POLR2I: variants seen among roughly 807,000 people sequenced by gnomAD.
POLR2I encodes DNA-directed RNA polymerase II subunit RPB9.
A neutral mutation model predicts 23.0 loss-of-function variants in POLR2I; 15 were observed. The ratio of observed to expected loss-of-function variants is 0.65; its 90% CI spans 0.44 to 1.00. The LOEUF is 1.00. Among genes scored for constraint, POLR2I ranks in the 50% least tolerant of loss-of-function variants. The pLI is 0.00. For synonymous variants in POLR2I, 72 were observed against 65.4 expected, an observed-to-expected ratio of 1.10 and a Z score of -0.49; for missense variants, 120 against 173.7, an observed-to-expected ratio of 0.69 and a Z score of 1.74.
rs781300531 is a variant in POLR2I at position 36,114,872 on chromosome 19, G to A, written c.-16C>T. 8.7e-6 allele frequency: 14 copies of A among 1,612,490 alleles called. No homozygotes were observed. In the African/African-American group the frequency reaches 1.1e-4, roughly 12 times the overall value. On this transcript the variant is annotated 5_prime_UTR_variant, in exon 1 of 6. Coordinates refer to ENST00000221859, the MANE Select transcript of POLR2I (RefSeq NM_006233.5). This position sits in a 1 kb window ranked among gnomAD's most constrained non-coding sequence, Gnocchi z 4.5. The stretch of plus-strand genomic sequence containing the variant: ...CGGGCTCCATGGCGACGCGCAGCCC[G>A]CGCAGCCCTCCCAGCCTTCCGCGCT...
chr19:36,114,465 G>T lies in POLR2I; in HGVS notation c.115-53C>A. On this transcript the variant is annotated intron_variant, in intron 2 of 5. Coordinates refer to ENST00000221859, the MANE Select transcript of POLR2I (RefSeq NM_006233.5). This position sits in a 1 kb window ranked among gnomAD's most constrained non-coding sequence, Gnocchi z 4.5. Reference sequence around the variant, plus strand: ...GGGGTCACGGAAGGATTCCAGACAAGATTGGGAGGAGAGGGCAGGGTGATC... The same window carrying T: ...GGGGTCACGGAAGGATTCCAGACAATATTGGGAGGAGAGGGCAGGGTGATC... The T allele has an allele frequency of 6.5e-7, 1 of 1,546,870 alleles. No individual in the cohort carries two copies. Among genetic ancestry groups the T allele is most frequent in the Non-Finnish European group, 8.9e-7 (1 of 1,119,692 alleles).
rs1973895843 is a variant in POLR2I at position 36,114,107 on chromosome 19, T to C, written c.264-41A>G. ...CTCGGTCACCGGAGGCTTCACACCC[T>C]TCCCTCCTCCCTTCGCCCAGTGAGG... On this transcript the variant is annotated intron_variant, in intron 4 of 5. Coordinates refer to ENST00000221859, the MANE Select transcript of POLR2I (RefSeq NM_006233.5). This position sits in a 1 kb window ranked among gnomAD's most constrained non-coding sequence, Gnocchi z 4.5. 2 of 1,613,524 alleles carry C rather than the reference T, an allele frequency of 1.2e-6. No individual in the cohort carries two copies.
rs1973906770 is a variant in POLR2I, at chr19:36,114,557, G to A, written c.114+102C>T. On this transcript the variant is annotated intron_variant, in intron 2 of 5. Coordinates refer to ENST00000221859, the MANE Select transcript of POLR2I (RefSeq NM_006233.5). This position sits in a 1 kb window ranked among gnomAD's most constrained non-coding sequence, Gnocchi z 4.5. The stretch of plus-strand genomic sequence containing the variant: ...GACATGAGAGTCAGGATCACTTGAG[G>A]TGCAGCGGAGGGCGAACAGGGAGTC... The A allele has an allele frequency of 7.5e-7, 1 of 1,325,150 alleles. No homozygotes were observed. Among genetic ancestry groups the A allele is most frequent in the Non-Finnish European group, 1.1e-6 (1 of 929,818 alleles). The allele number at this position is 1,325,150 out of a possible 1,614,324, so 82.1% of individuals were successfully genotyped here. A position where few individuals can be genotyped will look rare whatever the true frequency, so the allele number is the denominator to read the frequency against.
chr19:36,114,329 C>G lies in POLR2I; in HGVS notation c.188+10G>C. 2 of 1,613,866 alleles carry G rather than the reference C, an allele frequency of 1.2e-6. No individual in the cohort carries two copies. The highest frequency in any genetic ancestry group is 1.7e-6 in the Non-Finnish European group (2 of 1,179,840). On this transcript the variant is annotated intron_variant, in intron 3 of 5. Transcript: ENST00000221859. The surrounding 1 kb of genome is among the most constrained non-coding windows in gnomAD (Gnocchi z 4.5). The stretch of plus-strand genomic sequence containing the variant: ...ACACCCCCGCCCCCAGCTCAGGGCC[C>G]GCCACTCACTCCACTTCGTGCGTGA...
At position 36,114,365 on chromosome 19, in the gene POLR2I, A is replaced by G; in HGVS notation, c.162T>C (p.Tyr54=). ...CCACTTCGTGCGTGATCTTGTTGACATAGATGCAGCTGTTGTCGGCCTCCT... is the reference window on the plus strand; with the variant it reads ...CCACTTCGTGCGTGATCTTGTTGACGTAGATGCAGCTGTTGTCGGCCTCCT... ...YQQEADNSCI[Y]VNKITHEVDE... is the part of the protein sequence containing the mutation. Residue 54 remains tyrosine, a synonymous_variant, in exon 3 of 6, where the codon TAT becomes TAC. Coordinates refer to ENST00000221859, the MANE Select transcript of POLR2I (RefSeq NM_006233.5). The surrounding 1 kb of genome is among the most constrained non-coding windows in gnomAD (Gnocchi z 4.5). The G allele has an allele frequency of 6.2e-7, 1 of 1,614,096 alleles. No homozygotes were observed. The highest frequency in any genetic ancestry group is 1.7e-5 in the Admixed American group (1 of 60,020).
At position 36,114,595 on chromosome 19, in the gene POLR2I, CA is replaced by C. The variant is rs1176587813; in HGVS notation, c.114+63del. On this transcript the variant is annotated intron_variant, in intron 2 of 5. Coordinates refer to ENST00000221859, the MANE Select transcript of POLR2I (RefSeq NM_006233.5). The surrounding 1 kb of genome is among the most constrained non-coding windows in gnomAD (Gnocchi z 4.5). ...CGAACAGGGAGTCCGATCACAGAGG[CA>C]GGGGGCAGGGCGGGGCCACGCTGGG... The C allele has an allele frequency of 2.6e-5, 38 of 1,482,742 alleles. No individual in the cohort carries two copies. The highest frequency in any genetic ancestry group is 3.5e-4 in the Middle Eastern group (2 of 5,666). 91.8% of individuals were successfully genotyped at this position (1,482,742 alleles called of 1,614,324 possible).
At chr19:36,113,842 G>T in intron 5 of POLR2I, 25 bp from the exon 6 acceptor site, 2 of 1,611,604 alleles carry the variant, frequency 1.2e-6, no homozygotes, top group Non-Finnish European at 8.5e-7. Context: ...GCATGGTTAG[G>T]AAGGATTTGG....
At chr19:36,113,887 G>A in intron 5 of POLR2I, 70 bp from the exon 6 acceptor site, 1 of 1,592,800 alleles carries the variant, frequency 6.3e-7, no homozygotes, top group East Asian at 2.2e-5. Context: ...GAACAGGCAA[G>A]AGAACTTCAC....
At position 36,114,596 on chromosome 19, in the gene POLR2I, A is replaced by G. The variant is rs1409627044; in HGVS notation, c.114+63T>C. 1.3e-5 allele frequency: 19 copies of G among 1,483,876 alleles called. No individual in the cohort carries two copies. Among genetic ancestry groups the G allele is most frequent in the Non-Finnish European group, 1.5e-5 (16 of 1,072,244 alleles). The allele number at this position is 1,483,876 out of a possible 1,614,324, so 91.9% of individuals were successfully genotyped here. On this transcript the variant is annotated intron_variant, in intron 2 of 5. Transcript: ENST00000221859. The surrounding 1 kb of genome is among the most constrained non-coding windows in gnomAD (Gnocchi z 4.5). ...GAACAGGGAGTCCGATCACAGAGGC[A>G]GGGGGCAGGGCGGGGCCACGCTGGG...
chr19:36,113,969 G>A (rs780256190), intron 5 of POLR2I, 46 bp downstream of exon 5: 3 of 1,604,720 alleles, frequency 1.9e-6, no homozygotes, highest in South Asian at 1.1e-5. Context: ...CCCCCAGAAA[G>A]GACCAAACAA....
rs1973886494 is a variant in POLR2I, at chr19:36,113,746, G to C, written c.*9C>G. On this transcript the variant is annotated 3_prime_UTR_variant, in exon 6 of 6. Coordinates refer to ENST00000221859, the MANE Select transcript of POLR2I (RefSeq NM_006233.5). ...TCTGGTGTTTATTACACTCGGGGGA[G>C]AGAGGAGGTCACTCGGTCCAGCGGT... 1 of 1,613,402 alleles carries C rather than the reference G, an allele frequency of 6.2e-7. No individual in the cohort carries two copies.
rs1973895966 is a variant in POLR2I at position 36,114,110 on chromosome 19, C to T, written c.264-44G>A. ...GGTCACCGGAGGCTTCACACCCTTC[C>T]CTCCTCCCTTCGCCCAGTGAGGAGA... On this transcript the variant is annotated intron_variant, in intron 4 of 5. Coordinates refer to ENST00000221859, the MANE Select transcript of POLR2I (RefSeq NM_006233.5). The surrounding 1 kb of genome is among the most constrained non-coding windows in gnomAD (Gnocchi z 4.5). 4 of 1,613,494 alleles carry T rather than the reference C, an allele frequency of 2.5e-6. No individual in the cohort carries two copies. In the African/African-American group the frequency reaches 4.0e-5, roughly 16 times the overall value.
Position 36,114,868 on chromosome 19 carries a change from GCCCGCGC to G in POLR2I, c.-19_-13del. ...CCGTCGGGCTCCATGGCGACGCGCAGCCCGCGCAGCCCTCCCAGCCTTCCGCGCTTGC... is the reference window on the plus strand; with the variant it reads ...CCGTCGGGCTCCATGGCGACGCGCAGAGCCCTCCCAGCCTTCCGCGCTTGC... On this transcript the variant is annotated 5_prime_UTR_variant, in exon 1 of 6. Coordinates refer to ENST00000221859, the MANE Select transcript of POLR2I (RefSeq NM_006233.5). This position sits in a 1 kb window ranked among gnomAD's most constrained non-coding sequence, Gnocchi z 4.5. 1.9e-6 allele frequency: 3 copies of G among 1,612,422 alleles called. No homozygotes were observed. Among genetic ancestry groups the G allele is most frequent in the Non-Finnish European group, 2.5e-6 (3 of 1,179,598 alleles).
chr19:36,114,872 G>C lies in POLR2I; in HGVS notation c.-16C>G. ...CGGGCTCCATGGCGACGCGCAGCCC[G>C]CGCAGCCCTCCCAGCCTTCCGCGCT... On this transcript the variant is annotated 5_prime_UTR_variant, in exon 1 of 6. Coordinates refer to ENST00000221859, the MANE Select transcript of POLR2I (RefSeq NM_006233.5). The surrounding 1 kb of genome is among the most constrained non-coding windows in gnomAD (Gnocchi z 4.5). The C allele has an allele frequency of 3.7e-6, 6 of 1,612,610 alleles. No individual in the cohort carries two copies. The highest frequency in any genetic ancestry group is 5.1e-6 in the Non-Finnish European group (6 of 1,179,856).
chr19:36,114,355 T>G lies in POLR2I; in HGVS notation c.172A>C (p.Ile58Leu). The change falls in exon 3 of 6, where the codon ATC becomes CTC. Residue 58 changes from isoleucine to leucine, a missense_variant. Ile to Leu is a conservative substitution (Grantham distance 5, BLOSUM62 2). Coordinates refer to ENST00000221859, the MANE Select transcript of POLR2I (RefSeq NM_006233.5). The surrounding 1 kb of genome is among the most constrained non-coding windows in gnomAD (Gnocchi z 4.5). ...ADNSCIYVNK[I>L]THEVDELTQI... ...GCCACTCACTCCACTTCGTGCGTGA[T>G]CTTGTTGACATAGATGCAGCTGTTG... The G allele has an allele frequency of 6.2e-7, 1 of 1,614,058 alleles. No individual in the cohort carries two copies. The highest frequency in any genetic ancestry group is 8.5e-7 in the Non-Finnish European group (1 of 1,179,988).
In POLR2I at chr19:36,114,117, C is replaced by T. The variant is rs1226840708; in HGVS notation, c.264-51G>A. On this transcript the variant is annotated intron_variant, in intron 4 of 5. Transcript: ENST00000221859. The surrounding 1 kb of genome is among the most constrained non-coding windows in gnomAD (Gnocchi z 4.5). ...GGAGGCTTCACACCCTTCCCTCCTC[C>T]CTTCGCCCAGTGAGGAGACGAGCCT... 1 of 1,612,554 alleles carries T rather than the reference C, an allele frequency of 6.2e-7. No homozygotes were observed. Among genetic ancestry groups the T allele is most frequent in the Non-Finnish European group, 8.5e-7 (1 of 1,178,594 alleles).
At position 36,114,578 on chromosome 19, in the gene POLR2I, G is replaced by C; in HGVS notation, c.114+81C>G. The C allele has an allele frequency of 2.1e-6, 3 of 1,405,946 alleles. No individual in the cohort carries two copies. Among genetic ancestry groups the C allele is most frequent in the Non-Finnish European group, 3.0e-6 (3 of 1,003,132 alleles). 87.1% of individuals were successfully genotyped at this position (1,405,946 alleles called of 1,614,324 possible). On this transcript the variant is annotated intron_variant, in intron 2 of 5. Coordinates refer to ENST00000221859, the MANE Select transcript of POLR2I (RefSeq NM_006233.5). This position sits in a 1 kb window ranked among gnomAD's most constrained non-coding sequence, Gnocchi z 4.5. ...TGAGGTGCAGCGGAGGGCGAACAGG[G>C]AGTCCGATCACAGAGGCAGGGGGCA...
chr19:36,113,986 G>C (rs374618000), intron 5 of POLR2I, 29 bp downstream of exon 5: 1 of 1,611,954 alleles, frequency 6.2e-7, no homozygotes, highest in East Asian at 2.2e-5. Context: ...ACAAGCCCCA[G>C]ATACTTAGAA....
rs2230684 is a variant in POLR2I at position 36,114,227 on chromosome 19, G to A, written c.213C>T (p.Asp71=). The A allele has an allele frequency of 2.3e-4, 369 of 1,614,002 alleles. 1 individual carries two copies. The African/African-American group carries it at 3.6e-3, about 16-fold the overall frequency. Residue 71 remains aspartate (D), a synonymous_variant, in exon 4 of 6, where the codon GAC becomes GAT. Coordinates refer to ENST00000221859, the MANE Select transcript of POLR2I (RefSeq NM_006233.5). This position sits in a 1 kb window ranked among gnomAD's most constrained non-coding sequence, Gnocchi z 4.5. ...GCGGCAACGTGGGGTCCTGGGACAC[G>A]TCGGCGATAATCTGGGTCAGTTCGC... The part of the protein sequence containing the change: ...EVDELTQIIA[D]VSQDPTLPRT...
Sources: gnomAD v4.1 joint callset for allele counts on GRCh38, gnomAD v4.1.1 for gene constraint, Gnocchi (gnomAD v3.1) non-coding constraint, MANE v1.5 for transcripts, NCBI Gene and HGNC (gene_info 2026-07-23, HGNC 2026-07-21) for gene names.